Variants in VPS13B observed in about 807,000 individuals in gnomAD.
The protein encoded by VPS13B is intermembrane lipid transfer protein VPS13B.
VPS13B carries 285 observed loss-of-function variants against 426.4 expected under a neutral mutation model. The ratio of observed to expected loss-of-function variants is 0.67; its 90% CI spans 0.61 to 0.74. VPS13B has a LOEUF of 0.74. Among genes scored for constraint, VPS13B ranks in the 30% least tolerant of loss-of-function variants. The pLI, the probability that VPS13B is intolerant of heterozygous loss-of-function variation, is 0.00. For synonymous variants in VPS13B, 1,676 were observed against 1,676.4 expected (o/e 1.00, Z 0.01); for missense variants, 4,537 against 4,782.6 (o/e 0.95, Z 1.51).
intron 23 of VPS13B, among the ~76,000 whole-genome samples, chr8:99,457,143 C>T (rs1305834286): frequency 2.6e-5 from 4 of 151,618 alleles, no homozygotes; most frequent in Admixed American, 6.6e-5. Flanking sequence ...GCCATTCTCC[C>T]GCCTCAGCCT....
chr8:99,662,031 G>C (rs1830248753), intron 35 of VPS13B, among the ~76,000 whole-genome samples: 1 of 152,054 alleles, frequency 6.6e-6, no homozygotes, highest in Admixed American at 6.5e-5. Context: ...TATGTCCCAG[G>C]CACTATGCAT....
At chr8:99,762,129 G>A (rs552083546) in intron 39 of VPS13B, among the ~76,000 whole-genome samples, 8 of 151,966 alleles carry the variant, frequency 5.3e-5, no homozygotes, top group South Asian at 2.1e-4. Flanking sequence ...GGGTTCAGGC[G>A]ATCCTCCGAC....
chr8:99,576,140 A>C (rs541277094), intron 32 of VPS13B, among the ~76,000 whole-genome samples: 10 of 152,148 alleles, frequency 6.6e-5, no homozygotes, highest in African/African-American at 2.4e-4. Context: ...ATAAGGTTCA[A>C]ACTGATCAAT....
chr8:99,399,373 A>G (rs1814912818), intron 21 of VPS13B, among the ~76,000 whole-genome samples: 1 of 152,188 alleles, frequency 6.6e-6, no homozygotes, highest in Non-Finnish European at 1.5e-5. Flanking sequence ...TAATCAGCAT[A>G]ATTTATAATT....
chr8:99,015,305 C>A (rs1841554890), intron 2 of VPS13B, among the ~76,000 whole-genome samples: 1 of 147,948 alleles, frequency 6.8e-6, no homozygotes, highest in South Asian at 2.1e-4. Context: ...CAAGCTCCAT[C>A]TCCCGGGTTC....
chr8:99,419,719 A>G (rs1816268453), intron 21 of VPS13B, among the ~76,000 whole-genome samples: 1 of 152,194 alleles, frequency 6.6e-6, no homozygotes, highest in East Asian at 1.9e-4. Flanking sequence ...CAAATTATAA[A>G]TAGGTACCTT....
At chr8:99,763,135 C>CAAAAAAAAAAAAAAAAAAAAAAA (rs750289763) in intron 39 of VPS13B, among the ~76,000 whole-genome samples, 2 of 35,848 alleles carry the variant, frequency 5.6e-5, no homozygotes, top group African/African-American at 2.8e-4. Context: ...GACCTTGTCT[C>CAAAAAAAAAAAAAAAAAAAAAAA]AAAAAAAAAA....
chr8:99,348,030 C>G (rs982841904), intron 19 of VPS13B: 2 of 152,250 alleles, frequency 1.3e-5, no homozygotes, highest in Non-Finnish European at 2.9e-5. Context: ...GCCATACGGT[C>G]CATAGTATCC....
chr8:99,065,318 T>A (rs1844425115), intron 3 of VPS13B, among the ~76,000 whole-genome samples: 2 of 152,220 alleles, frequency 1.3e-5, no homozygotes, highest in African/African-American at 2.4e-5. Context: ...TCCACCACGA[T>A]CAAGTCGGCT....
chr8:99,394,488 G>A lies in VPS13B; in HGVS notation c.3082+2784G>A, dbSNP rs527990015. On this transcript the variant is annotated intron_variant, in intron 21 of 61. Transcript: ENST00000357162. ...AGAATGCCACTATTTCAATGATATA[G>A]TCATGTAGGGCAGACTGAGCCAGAA... Among the ~76,000 whole-genome samples, 5 of 152,256 alleles carry A rather than the reference G, an allele frequency of 3.3e-5. No individual in the cohort carries two copies. In the East Asian group the frequency reaches 9.7e-4, roughly 29 times the overall value.
chr8:99,561,372 G>A (rs1398018765), intron 31 of VPS13B, among the ~76,000 whole-genome samples: 1 of 152,090 alleles, frequency 6.6e-6, no homozygotes, highest in African/African-American at 2.4e-5. Flanking sequence ...CATCCAAATT[G>A]TAGCATATAT....
At chr8:99,848,683 G>A (rs1244623379) in intron 54 of VPS13B, 93 bp from the exon 55 acceptor site, 2 of 1,096,562 alleles carry the variant, frequency 1.8e-6, no homozygotes, top group South Asian at 2.5e-5. Context: ...ATTGTTTGTG[G>A]TATTGAATCA....
chr8:99,803,117 A>G (rs1215967484), intron 43 of VPS13B, among the ~76,000 whole-genome samples: 1 of 152,222 alleles, frequency 6.6e-6, no homozygotes, highest in African/African-American at 2.4e-5. Context: ...CTTTACACAC[A>G]TCTGTAATTA....
chr8:99,835,515 C>T (rs767568360), intron 53 of VPS13B, 24 bp from the exon 54 acceptor site: 1 of 1,609,692 alleles, frequency 6.2e-7, no homozygotes, highest in South Asian at 1.1e-5. Flanking sequence ...GCTAATTCTG[C>T]ATATGCCTTT....
chr8:99,817,192 C>T (rs191006883), intron 44 of VPS13B, among the ~76,000 whole-genome samples: 1 of 151,846 alleles, frequency 6.6e-6, no homozygotes, highest in East Asian at 1.9e-4. Flanking sequence ...GTTTGAGCTT[C>T]TACCCTCTCT....
chr8:99,084,659 G>C (rs1845673350), intron 3 of VPS13B, among the ~76,000 whole-genome samples: 1 of 152,070 alleles, frequency 6.6e-6, no homozygotes, highest in Non-Finnish European at 1.5e-5. Context: ...TTGTGTCTTT[G>C]TTCTCATTGG....
At chr8:99,087,815 A>C (rs756343872) in intron 3 of VPS13B, among the ~76,000 whole-genome samples, 4 of 151,982 alleles carry the variant, frequency 2.6e-5, no homozygotes, top group Non-Finnish European at 5.9e-5. Context: ...AGTCTCTTCT[A>C]GTACACATTC....
intron 40 of VPS13B, among the ~76,000 whole-genome samples, chr8:99,769,582 TA>T (rs1811382475): frequency 6.6e-6 from 1 of 152,178 alleles, no homozygotes; most frequent in Non-Finnish European, 1.5e-5. Context: ...AAGCCTAATT[TA>T]AAAAGAAGAG....
chr8:99,199,297 G>T (rs1367917014), intron 17 of VPS13B, among the ~76,000 whole-genome samples: 1 of 151,886 alleles, frequency 6.6e-6, no homozygotes, highest in Non-Finnish European at 1.5e-5. Flanking sequence ...TTTTCCTCCC[G>T]AGTAGCTGGG....
Sources: gnomAD v4.1 joint callset for allele counts (sites outside exome capture counted in the v4.1 genomes callset) on GRCh38, gnomAD v4.1.1 for gene constraint, MANE v1.5 for transcripts, NCBI Gene and HGNC (gene_info 2026-07-23, HGNC 2026-07-21) for gene names.